The following FILIP1 variants were observed in gnomAD, a reference collection of about 807,000 sequenced individuals.
FILIP1 encodes the protein filamin A interacting protein 1.
Under a neutral mutation model 102.1 loss-of-function variants are expected in FILIP1, and 61 were observed. The ratio of observed to expected loss-of-function variants is 0.60; its 90% CI spans 0.49 to 0.74. The LOEUF (loss-of-function observed/expected upper bound fraction) is 0.74. FILIP1 is among the 30% of genes least tolerant of loss of function. The pLI is 0.00. For synonymous variants in FILIP1, 491 were observed against 526.9 expected (o/e 0.93, Z 0.93); for missense variants, 1,314 against 1,441.2 (o/e 0.91, Z 1.43).
chr6:75,420,191 A>G, intron 1 of FILIP1, among the ~76,000 whole-genome samples: 1 of 152,056 alleles, frequency 6.6e-6, no homozygotes, highest in Admixed American at 6.6e-5. Context: ...ATAGAAAAAT[A>G]TTATTCTACT....
In FILIP1 at chr6:75,439,224, C is replaced by A. The variant is rs746129336; in HGVS notation, c.-6-24246G>T. Among the ~76,000 whole-genome samples, 12 of 152,116 alleles carry A rather than the reference C, an allele frequency of 7.9e-5. No homozygotes were observed. In the East Asian group the frequency reaches 2.1e-3, roughly 27 times the overall value. ...TACTAAAAATACAAAAAATTAGCCA[C>A]GTGTGGTGGCATGCGCCTGTAGTCC... On this transcript the variant is annotated intron_variant, in intron 1 of 5. Coordinates refer to ENST00000237172, the MANE Select transcript of FILIP1 (RefSeq NM_015687.5).
chr6:75,452,905 T>C (rs1197667089), intron 1 of FILIP1, among the ~76,000 whole-genome samples: 1 of 152,206 alleles, frequency 6.6e-6, no homozygotes, highest in Non-Finnish European at 1.5e-5. Flanking sequence ...AACATGAAGG[T>C]GTCATATTTT....
In FILIP1 at chr6:75,483,609, G is replaced by T. The variant is rs531937560; in HGVS notation, c.-7+9805C>A. ...TCATAACAAAATCTTGAGGAGAATA[G>T]GTTGCCTCCAATTGGGCCAGTCATT... On this transcript the variant is annotated intron_variant, in intron 1 of 5. Transcript: ENST00000237172. Among the ~76,000 whole-genome samples, 5 of 152,200 alleles carry T rather than the reference G, an allele frequency of 3.3e-5. No homozygotes were observed. In the South Asian group the frequency reaches 1.0e-3, roughly 32 times the overall value.
At chr6:75,306,566 T>C (rs1772992823), downstream of FILIP1, among the ~76,000 whole-genome samples, 1 of 152,172 alleles carries the variant, frequency 6.6e-6, no homozygotes, top group Non-Finnish European at 1.5e-5. Flanking sequence ...TTTGAAAGCG[T>C]TGAATGTTCA....
rs1350125379 is a variant in FILIP1, at chr6:75,414,820, G to A, written c.153C>T (p.Ala51=). 6.2e-7 allele frequency: 1 copy of A among 1,613,838 alleles called. No individual in the cohort carries two copies. Among genetic ancestry groups the A allele is most frequent in the Non-Finnish European group, 8.5e-7 (1 of 1,179,880 alleles). Reference sequence around the variant, plus strand: ...TTAGGTGTCGTTTGACAGTTCCTGAGGCCATGACATCATCCTCCTTCCTAT... The same window carrying A: ...TTAGGTGTCGTTTGACAGTTCCTGAAGCCATGACATCATCCTCCTTCCTAT... ...KSNRKEDDVM[A]SGTVKRHLKT... Residue 51 remains alanine (A), a synonymous_variant, in exon 2 of 6, where the codon GCC becomes GCT. Coordinates refer to ENST00000237172, the MANE Select transcript of FILIP1 (RefSeq NM_015687.5).
intron 1 of FILIP1, among the ~76,000 whole-genome samples, chr6:75,440,089 T>C (rs543841656): frequency 6.6e-6 from 1 of 152,208 alleles, no homozygotes; most frequent in South Asian, 2.1e-4. Flanking sequence ...ATAATTGCAT[T>C]GAGCAGATGA....
intron 3 of FILIP1, among the ~76,000 whole-genome samples, chr6:75,361,589 ATAAC>A (rs1257493921): frequency 1.3e-5 from 2 of 152,242 alleles, no homozygotes; most frequent in Non-Finnish European, 2.9e-5. Flanking sequence ...GCAAATTCTA[ATAAC>A]TAATACTTGC....
At position 75,313,067 on chromosome 6, in the gene FILIP1, G is replaced by A; in HGVS notation, c.2765C>T (p.Thr922Ile). The A allele has an allele frequency of 6.2e-7, 1 of 1,614,208 alleles. No homozygotes were observed. Among genetic ancestry groups the A allele is most frequent in the Non-Finnish European group, 8.5e-7 (1 of 1,180,050 alleles). The change falls in exon 5 of 6, where the codon ACT becomes ATT. Residue 922 changes from threonine to isoleucine, a missense_variant. Thr to Ile is a moderately conservative substitution (Grantham distance 89). Transcript: ENST00000237172. This position sits in a 1 kb window ranked among gnomAD's most constrained non-coding sequence, Gnocchi z 4.2. Reference protein sequence around the residue: ...IRVTPDHENSTATLEITSPTS... With the variant: ...IRVTPDHENSIATLEITSPTS... ...CGGGCTTGTTATCTCCAAAGTCGCA[G>A]TGCTGTTCTCGTGGTCTGGTGTCAC...
chr6:75,303,358 A>G (rs1562422336), downstream of FILIP1, among the ~76,000 whole-genome samples: 1 of 152,226 alleles, frequency 6.6e-6, no homozygotes, highest in African/African-American at 2.4e-5. Flanking sequence ...GAGCAGGAAC[A>G]TGGCTCTTAA....
chr6:75,383,691 T>C (rs977158900), intron 2 of FILIP1, among the ~76,000 whole-genome samples: 1 of 152,192 alleles, frequency 6.6e-6, no homozygotes, highest in African/African-American at 2.4e-5. Flanking sequence ...ATGAAGCACT[T>C]AGACAAGTAA....
chr6:75,479,485 AG>A (rs1779588731), intron 1 of FILIP1, among the ~76,000 whole-genome samples: 1 of 152,178 alleles, frequency 6.6e-6, no homozygotes, highest in Admixed American at 6.5e-5. Flanking sequence ...TTTAATTATC[AG>A]TAAGGTTAAA....
intron 4 of FILIP1, among the ~76,000 whole-genome samples, chr6:75,339,083 G>A (rs1224329218): frequency 6.6e-6 from 1 of 152,194 alleles, no homozygotes; most frequent in East Asian, 1.9e-4. Context: ...GATAGTTTCA[G>A]TGTATTGATA....
In FILIP1 at chr6:75,312,954, C is replaced by A. The variant is rs538214169; in HGVS notation, c.2878G>T (p.Val960Phe). 1.2e-6 allele frequency: 2 copies of A among 1,613,906 alleles called. No individual in the cohort carries two copies. Among genetic ancestry groups the A allele is most frequent in the Non-Finnish European group, 1.7e-6 (2 of 1,180,000 alleles). ...CCACTTTTTTGTTTTTGAGGCATAA[C>A]GTTTGGTGATGGAATAATGGTTATT... ...PRITIIPSPN[V>F]MPQKQKSGDT... The change falls in exon 5 of 6, where the codon GTT (valine) becomes TTT (phenylalanine). Residue 960 changes from valine (V) to phenylalanine (F), a missense_variant. This residue lies in a region of FILIP1 where 816 missense variants were observed against 913.1 expected (regional missense o/e 0.89). Coordinates refer to ENST00000237172, the MANE Select transcript of FILIP1 (RefSeq NM_015687.5).
chr6:75,295,320 C>G (rs1772641665), exon 7 of FILIP1: 2 of 152,118 alleles, frequency 1.3e-5, no homozygotes, highest in Non-Finnish European at 2.9e-5. Flanking sequence ...GCTTTTAAGT[C>G]AGAGCATTAT....
intron 6 of FILIP1, among the ~76,000 whole-genome samples, chr6:75,299,317 C>T (rs1296565299): frequency 6.6e-6 from 1 of 152,034 alleles, no homozygotes; most frequent in Non-Finnish European, 1.5e-5. Flanking sequence ...TAATTTTGCA[C>T]AACTATCATA....
At chr6:75,374,682 T>A (rs1775696322) in intron 2 of FILIP1, among the ~76,000 whole-genome samples, 1 of 152,118 alleles carries the variant, frequency 6.6e-6, no homozygotes, top group Non-Finnish European at 1.5e-5. Flanking sequence ...GCCGGGCCAG[T>A]GAGAAGCTGA....
At chr6:75,345,368 T>G (rs1198850043) in intron 4 of FILIP1, among the ~76,000 whole-genome samples, 2 of 151,694 alleles carry the variant, frequency 1.3e-5, no homozygotes, top group Non-Finnish European at 2.9e-5. Context: ...TTTTTTTTTT[T>G]CTAACAAAGA....
At chr6:75,367,105 C>A (rs577694626) in intron 2 of FILIP1, among the ~76,000 whole-genome samples, 1 of 152,246 alleles carries the variant, frequency 6.6e-6, no homozygotes, top group Non-Finnish European at 1.5e-5. Context: ...TAGAAGACAG[C>A]TTCTTGTGTT....
chr6:75,317,367 T>G (rs964874316), intron 4 of FILIP1, among the ~76,000 whole-genome samples: 2 of 152,144 alleles, frequency 1.3e-5, no homozygotes, highest in African/African-American at 4.8e-5. Context: ...CATATAGAAT[T>G]GTTGTGAAGA....
Sources: allele counts gnomAD v4.1 joint callset (sites outside exome capture counted in the v4.1 genomes callset), GRCh38; gene constraint gnomAD v4.1.1; regional missense constraint gnomAD v4.1.1; non-coding constraint Gnocchi (gnomAD v3.1); transcripts MANE v1.5; gene names NCBI Gene and HGNC (gene_info 2026-07-23, HGNC 2026-07-21).